The following GLIS1 variants were observed in gnomAD, a reference collection of about 807,000 sequenced individuals.
GLIS1 encodes zinc finger protein GLIS1.
GLIS1 carries 24 observed loss-of-function variants against 63.8 expected under a neutral mutation model. The observed-to-expected ratio is 0.38, with a 90% CI of 0.27 to 0.53. The LOEUF is 0.53. GLIS1 is among the 20% of genes least tolerant of loss of function. The pLI is 0.85. For missense variants in GLIS1, 1,036 were observed against 1,074.1 expected (o/e 0.96, Z 0.50); for synonymous variants, 450 against 482.5 (o/e 0.93, Z 0.88).
At chr1:53,721,383 A>T (rs1329672383) in intron 2 of GLIS1, among the ~76,000 whole-genome samples, 1 of 152,212 alleles carries the variant, frequency 6.6e-6, no homozygotes, top group Admixed American at 6.5e-5. Context: ...TGGGAGAATG[A>T]AAGGAATTAT....
intron 2 of GLIS1, among the ~76,000 whole-genome samples, chr1:53,649,082 T>C (rs1490196097): frequency 1.3e-5 from 2 of 152,110 alleles, no homozygotes; most frequent in Non-Finnish European, 2.9e-5. Flanking sequence ...TTTGAAAAAA[T>C]TCACAGACGA....
intron 2 of GLIS1, among the ~76,000 whole-genome samples, chr1:53,651,940 G>A (rs941626097): frequency 1.3e-5 from 2 of 151,464 alleles, no homozygotes; most frequent in East Asian, 3.9e-4. Context: ...CCTGAGTATT[G>A]AGGGGTGGAA....
intron 2 of GLIS1, among the ~76,000 whole-genome samples, chr1:53,660,365 G>C (rs1216651554): frequency 6.6e-6 from 1 of 152,206 alleles, no homozygotes; most frequent in Admixed American, 6.5e-5. Flanking sequence ...CGTATTATGT[G>C]CCAGGCAGGG....
intron 4 of GLIS1, among the ~76,000 whole-genome samples, chr1:53,557,585 C>T (rs1304960318): frequency 3.3e-5 from 5 of 152,264 alleles, no homozygotes; most frequent in African/African-American, 7.2e-5. Context: ...TGGCTGAGGC[C>T]GGCTGGGGAA....
At chr1:53,617,502 C>A (rs1341418378) in intron 2 of GLIS1, among the ~76,000 whole-genome samples, 1 of 152,252 alleles carries the variant, frequency 6.6e-6, no homozygotes, top group Non-Finnish European at 1.5e-5. Context: ...GGATTGTTCA[C>A]CATCTCAGAA....
intron 2 of GLIS1, among the ~76,000 whole-genome samples, chr1:53,614,647 C>T (rs1313139053): frequency 6.6e-6 from 1 of 152,134 alleles, no homozygotes; most frequent in Non-Finnish European, 1.5e-5. Flanking sequence ...AGCGTAGATG[C>T]AGGGAGGTGG....
intron 8 of GLIS1, among the ~76,000 whole-genome samples, chr1:53,510,751 G>A (rs1028194139): frequency 6.6e-6 from 1 of 152,166 alleles, no homozygotes; most frequent in Non-Finnish European, 1.5e-5. Context: ...CTAGCAAGTC[G>A]GTCCCATGGC....
chr1:53,561,623 C>T (rs1012662448), intron 4 of GLIS1, among the ~76,000 whole-genome samples: 1 of 152,206 alleles, frequency 6.6e-6, no homozygotes, highest in East Asian at 1.9e-4. Flanking sequence ...CCTGGCCATA[C>T]AAAATCCAGA....
chr1:53,620,013 C>T (rs1011536657), intron 2 of GLIS1, among the ~76,000 whole-genome samples: 5 of 152,220 alleles, frequency 3.3e-5, no homozygotes, highest in African/African-American at 7.2e-5. Flanking sequence ...CTGGGAGGTA[C>T]GGGACATTTA....
chr1:53,628,565 G>A lies in GLIS1; in HGVS notation c.260-28287C>T, dbSNP rs556275609. On this transcript the variant is annotated intron_variant, in intron 2 of 10. Coordinates refer to ENST00000628545, the MANE Select transcript of GLIS1 (RefSeq NM_001367484.1). ...GAATTTAACACCATCAGCCCTAGGC[G>A]GGAGAGACAATTATTCCCACCTAAG... Among the ~76,000 whole-genome samples the A allele has an allele frequency of 7.2e-5, 11 of 152,184 alleles. No individual in the cohort carries two copies. The South Asian group carries it at 1.9e-3, about 26-fold the overall frequency.
At chr1:53,532,248 A>C in intron 4 of GLIS1, among the ~76,000 whole-genome samples, 1 of 152,182 alleles carries the variant, frequency 6.6e-6, no homozygotes, top group Admixed American at 6.5e-5. Flanking sequence ...GGAAGATGGC[A>C]ATTGTAGCAG....
At chr1:53,626,293 G>A (rs1427381226) in intron 2 of GLIS1, among the ~76,000 whole-genome samples, 1 of 152,114 alleles carries the variant, frequency 6.6e-6, no homozygotes, top group Non-Finnish European at 1.5e-5. Flanking sequence ...TTCCCCAGGG[G>A]ACAGCCTCCC....
chr1:53,618,083 C>T lies in GLIS1; in HGVS notation c.260-17805G>A, dbSNP rs1645501621. On this transcript the variant is annotated intron_variant, in intron 2 of 10. Coordinates refer to ENST00000628545, the MANE Select transcript of GLIS1 (RefSeq NM_001367484.1). Reference sequence around the variant, plus strand: ...ACAAGGTGGGAGAGTGCAGGGCTGACTCCAGAAAGCCCAGAAAGGGCAGGC... The same window carrying T: ...ACAAGGTGGGAGAGTGCAGGGCTGATTCCAGAAAGCCCAGAAAGGGCAGGC... Among the ~76,000 whole-genome samples, 3 of 152,226 alleles carry T rather than the reference C, an allele frequency of 2.0e-5. No individual in the cohort carries two copies. In the South Asian group the frequency reaches 6.2e-4, roughly 32 times the overall value.
chr1:53,627,668 T>C (rs1645609820), intron 2 of GLIS1, among the ~76,000 whole-genome samples: 1 of 152,202 alleles, frequency 6.6e-6, no homozygotes. Context: ...TTGTTCGTAT[T>C]TATTATCTTA....
intron 5 of GLIS1, among the ~76,000 whole-genome samples, chr1:53,525,708 C>A (rs1644461070): frequency 6.6e-6 from 1 of 151,864 alleles, no homozygotes. Flanking sequence ...TTTGAAACCC[C>A]TTGGTGGCTC....
chr1:53,545,114 T>G (rs1434264523), intron 4 of GLIS1, among the ~76,000 whole-genome samples: 3 of 152,220 alleles, frequency 2.0e-5, no homozygotes, highest in Non-Finnish European at 4.4e-5. Context: ...CAAATCCTGA[T>G]TCCCCTCCAA....
chr1:53,524,960 T>A (rs1644450518), intron 5 of GLIS1, 73 bp from the exon 6 acceptor site: 6 of 1,106,834 alleles, frequency 5.4e-6, no homozygotes. Context: ...CGTGACCTGC[T>A]GTGGGGAGGT....
intron 2 of GLIS1, among the ~76,000 whole-genome samples, chr1:53,647,564 G>A (rs553894224): frequency 1.3e-5 from 2 of 152,126 alleles, no homozygotes; most frequent in East Asian, 1.9e-4. Flanking sequence ...GAGCCTCCTC[G>A]TATTTAGATG....
chr1:53,509,580 C>T lies in GLIS1; in HGVS notation c.2062+269G>A, dbSNP rs544279908. ...CCCTCCACTCTCAGGCGCTCAATCCCGCTCACTGGCCTCTCCTCAGGGCAG... is the reference window on the plus strand; with the variant it reads ...CCCTCCACTCTCAGGCGCTCAATCCTGCTCACTGGCCTCTCCTCAGGGCAG... On this transcript the variant is annotated intron_variant, in intron 9 of 10. Coordinates refer to ENST00000628545, the MANE Select transcript of GLIS1 (RefSeq NM_001367484.1). 3.3e-5 allele frequency among the ~76,000 whole-genome samples: 5 copies of T among 152,258 alleles called. No homozygotes were observed. The East Asian group carries it at 5.8e-4, about 18-fold the overall frequency.
Sources: gnomAD v4.1 joint callset for allele counts (sites outside exome capture counted in the v4.1 genomes callset) on GRCh38, gnomAD v4.1.1 for gene constraint, MANE v1.5 for transcripts, NCBI Gene and HGNC (gene_info 2026-07-23, HGNC 2026-07-21) for gene names.